DSCAM: variants seen among roughly 807,000 people sequenced by gnomAD.
The protein encoded by DSCAM is cell adhesion molecule DSCAM.
In DSCAM, 47 loss-of-function variants were observed where a neutral mutation model predicts 217.7. The observed-to-expected ratio is 0.22, with a 90% CI of 0.17 to 0.28. The LOEUF (loss-of-function observed/expected upper bound fraction) is 0.28. Among genes scored for constraint, DSCAM ranks in the 10% least tolerant of loss-of-function variants. The pLI is 1.00. For synonymous variants in DSCAM, 1,056 were observed against 1,015.3 expected, an observed-to-expected ratio of 1.04 and a Z score of -0.76; for missense variants, 2,080 against 2,618.3, an observed-to-expected ratio of 0.79 and a Z score of 4.49.
In DSCAM at chr21:40,703,712, G is replaced by A. The variant is rs142453208; in HGVS notation, c.361+4742C>T. Among the ~76,000 whole-genome samples, 69 of 152,140 alleles carry A rather than the reference G, an allele frequency of 4.5e-4. 1 individual carries two copies. In the East Asian group the frequency reaches 0.012, roughly 26 times the overall value. ...GTGCCTTTGTGCATTTTTTCTTCAC[G>A]TGTCTTGAGCTTGGGGTTTGTTGAG... On this transcript the variant is annotated intron_variant, in intron 2 of 32. Transcript: ENST00000400454.
chr21:40,321,848 C>A (rs990885403), intron 8 of DSCAM, among the ~76,000 whole-genome samples: 1 of 152,112 alleles, frequency 6.6e-6, no homozygotes, highest in Non-Finnish European at 1.5e-5. Context: ...AGCAACTGCA[C>A]CTGACCCACC....
chr21:40,078,296 T>C (rs2089397936), intron 26 of DSCAM, among the ~76,000 whole-genome samples: 1 of 151,896 alleles, frequency 6.6e-6, no homozygotes, highest in Non-Finnish European at 1.5e-5. Context: ...GTGTAATGAG[T>C]GCAAAAAAGA....
At chr21:40,219,578 G>T (rs1000402823) in intron 11 of DSCAM, among the ~76,000 whole-genome samples, 1 of 151,922 alleles carries the variant, frequency 6.6e-6, no homozygotes, top group African/African-American at 2.4e-5. Flanking sequence ...TATTTCTTTG[G>T]TATAGATAAT....
chr21:40,014,315 G>C (rs565158575), intron 32 of DSCAM, among the ~76,000 whole-genome samples: 31 of 152,180 alleles, frequency 2.0e-4, no homozygotes, highest in African/African-American at 7.0e-4. Context: ...GCTTGAACCC[G>C]GGAGGAGGAG....
At chr21:40,616,940 C>T (rs2089404337) in intron 3 of DSCAM, among the ~76,000 whole-genome samples, 1 of 146,098 alleles carries the variant, frequency 6.8e-6, no homozygotes, top group South Asian at 2.2e-4. Flanking sequence ...TGGCGTGAAC[C>T]CGGGAGGCGG....
At chr21:40,745,276 A>G (rs1443698371) in intron 1 of DSCAM, among the ~76,000 whole-genome samples, 1 of 152,218 alleles carries the variant, frequency 6.6e-6, no homozygotes, top group African/African-American at 2.4e-5. Context: ...AAATCTGGAG[A>G]AAAAGGACAG....
At chr21:40,708,366 G>A in intron 2 of DSCAM, 88 bp downstream of exon 2, 1 of 1,153,848 alleles carries the variant, frequency 8.7e-7, no homozygotes, top group Non-Finnish European at 1.2e-6. Flanking sequence ...TTGGTTCTCT[G>A]CTGTGATGGC....
chr21:40,249,185 T>C (rs1451079390), intron 11 of DSCAM, among the ~76,000 whole-genome samples: 1 of 152,208 alleles, frequency 6.6e-6, no homozygotes, highest in African/African-American at 2.4e-5. Flanking sequence ...AATTGCAGTA[T>C]TGTTGGATAT....
intron 3 of DSCAM, among the ~76,000 whole-genome samples, chr21:40,495,787 A>C (rs966326755): frequency 3.9e-5 from 6 of 152,142 alleles, no homozygotes; most frequent in South Asian, 2.1e-4. Flanking sequence ...AATTCTAAAT[A>C]CTCCACCATA....
chr21:40,628,419 G>A (rs1244611874), intron 3 of DSCAM, among the ~76,000 whole-genome samples: 2 of 152,152 alleles, frequency 1.3e-5, no homozygotes, highest in Non-Finnish European at 1.5e-5. Context: ...CAGTAGGGTT[G>A]TCATCAGAAT....
chr21:40,458,544 G>A (rs539540153), intron 3 of DSCAM, among the ~76,000 whole-genome samples: 20 of 151,950 alleles, frequency 1.3e-4, no homozygotes, highest in Non-Finnish European at 2.8e-4. Flanking sequence ...ATATGCATGA[G>A]GAAAGCAAAA....
At chr21:40,700,583 T>C (rs1357444335) in intron 2 of DSCAM, among the ~76,000 whole-genome samples, 1 of 152,196 alleles carries the variant, frequency 6.6e-6, no homozygotes, top group Non-Finnish European at 1.5e-5. Flanking sequence ...TTAGAATTTT[T>C]ACATGTATAG....
At chr21:40,581,021 A>C (rs1158575954) in intron 3 of DSCAM, among the ~76,000 whole-genome samples, 3 of 152,246 alleles carry the variant, frequency 2.0e-5, no homozygotes, top group Non-Finnish European at 4.4e-5. Flanking sequence ...AGGAATTGAA[A>C]ATGAAAGCTG....
chr21:40,512,215 T>G lies in DSCAM; in HGVS notation c.509-142970A>C, dbSNP rs373122414. ...ACATAAGAAGAAATTCCCTTGCCCA[T>G]CTTATCCTGAGTGAACCTTGTTCTT... On this transcript the variant is annotated intron_variant, in intron 3 of 32. Transcript: ENST00000400454. Among the ~76,000 whole-genome samples, 3 of 152,170 alleles carry G rather than the reference T, an allele frequency of 2.0e-5. No individual in the cohort carries two copies. In the East Asian group the frequency reaches 5.8e-4, roughly 29 times the overall value.
intron 2 of DSCAM, among the ~76,000 whole-genome samples, chr21:40,701,374 G>C (rs1011164618): frequency 6.6e-6 from 1 of 151,964 alleles, no homozygotes; most frequent in African/African-American, 2.4e-5. Context: ...TTTTTTAAAA[G>C]AACTTTTAGT....
chr21:40,027,265 T>A (rs1233823128), intron 32 of DSCAM, among the ~76,000 whole-genome samples: 1 of 152,308 alleles, frequency 6.6e-6, no homozygotes, highest in Non-Finnish European at 1.5e-5. Flanking sequence ...CTGATGGGCT[T>A]CCCTTTGAGG....
intron 3 of DSCAM, among the ~76,000 whole-genome samples, chr21:40,371,142 TTA>T (rs777820171): frequency 1.4e-4 from 22 of 152,164 alleles, no homozygotes; most frequent in Non-Finnish European, 2.9e-4. Context: ...AGTTAGACAT[TTA>T]GTTTAAAATA....
intron 11 of DSCAM, among the ~76,000 whole-genome samples, chr21:40,206,133 T>G (rs775819826): frequency 1.3e-5 from 2 of 152,208 alleles, no homozygotes; most frequent in Non-Finnish European, 2.9e-5. Flanking sequence ...GTTCTAAGGA[T>G]AGTAATGTCA....
At chr21:40,417,703 G>A (rs1344394351) in intron 3 of DSCAM, among the ~76,000 whole-genome samples, 1 of 152,004 alleles carries the variant, frequency 6.6e-6, no homozygotes, top group Non-Finnish European at 1.5e-5. Flanking sequence ...ATTTAATTCA[G>A]TTTAACTTAG....
Sources: gnomAD v4.1 joint callset for allele counts (sites outside exome capture counted in the v4.1 genomes callset) on GRCh38, gnomAD v4.1.1 for gene constraint, MANE v1.5 for transcripts, NCBI Gene and HGNC (gene_info 2026-07-23, HGNC 2026-07-21) for gene names.